Variants in IQCK observed in about 807,000 individuals in gnomAD.
IQCK encodes the protein IQ motif containing K.
Under a neutral mutation model 28.1 loss-of-function variants are expected in IQCK, and 29 were observed. That is an observed-to-expected ratio of 1.03 (90% CI 0.77 to 1.41). The LOEUF is 1.41. IQCK is among the 40% of genes most tolerant of loss of function. The probability of loss-of-function intolerance (pLI) is 0.00; values close to 1 mark genes in which losing one functional copy is unlikely to be tolerated. For synonymous variants in IQCK, 113 were observed against 115.1 expected (o/e 0.98, Z 0.12); for missense variants, 359 against 314.7 (o/e 1.14, Z -1.07).
intron 4 of IQCK, among the ~76,000 whole-genome samples, chr16:19,753,910 CTCTT>C (rs1400204138): frequency 2.0e-5 from 3 of 152,058 alleles, no homozygotes; most frequent in Non-Finnish European, 4.4e-5. Context: ...GGACAACAAA[CTCTT>C]TCAGGAAAGC....
chr16:19,763,640 A>G (rs1315770684), intron 4 of IQCK, among the ~76,000 whole-genome samples: 1 of 152,064 alleles, frequency 6.6e-6, no homozygotes, highest in Non-Finnish European at 1.5e-5. Flanking sequence ...ATGGGGTTTC[A>G]CTGTGTTGGC....
intron 9 of IQCK, among the ~76,000 whole-genome samples, chr16:19,850,235 G>A (rs62025057): frequency 0.075 from 11,444 of 152,128 alleles, 705 homozygotes; most frequent in South Asian, 0.28. Context: ...CTGGTGGGAG[G>A]CAGTTGTGAG....
chr16:19,772,531 A>G (rs1050957489), intron 6 of IQCK, among the ~76,000 whole-genome samples: 1 of 152,184 alleles, frequency 6.6e-6, no homozygotes, highest in African/African-American at 2.4e-5. Flanking sequence ...TCAGAGAAAC[A>G]TGCCAAAATA....
intron 7 of IQCK, among the ~76,000 whole-genome samples, chr16:19,812,967 G>T (rs1332157738): frequency 6.6e-6 from 1 of 152,196 alleles, no homozygotes; most frequent in Non-Finnish European, 1.5e-5. Context: ...GCAGAGTTTG[G>T]TAAAACACAG....
chr16:19,804,081 C>A (rs759909074), intron 7 of IQCK, among the ~76,000 whole-genome samples: 1 of 152,026 alleles, frequency 6.6e-6, no homozygotes, highest in African/African-American at 2.4e-5. Context: ...CCAGGTGCGG[C>A]GGCTCACGCC....
chr16:19,851,632 A>G (rs754598385), intron 9 of IQCK, among the ~76,000 whole-genome samples: 1 of 151,936 alleles, frequency 6.6e-6, no homozygotes, highest in Admixed American at 6.6e-5. Context: ...CATTGCCTTT[A>G]ATTGAAGCTG....
chr16:19,786,320 G>A (rs903064554), intron 6 of IQCK, among the ~76,000 whole-genome samples: 3 of 151,820 alleles, frequency 2.0e-5, no homozygotes, highest in Admixed American at 6.6e-5. Context: ...TTGGGAGGCC[G>A]AGGTGGGAGG....
At chr16:19,753,998 C>T (rs1170011121) in intron 4 of IQCK, among the ~76,000 whole-genome samples, 1 of 152,040 alleles carries the variant, frequency 6.6e-6, no homozygotes, top group African/African-American at 2.4e-5. Flanking sequence ...GGTCACATGC[C>T]CATTCCTGAT....
intron 9 of IQCK, among the ~76,000 whole-genome samples, chr16:19,834,273 G>A (rs1239161756): frequency 6.6e-6 from 1 of 152,126 alleles, no homozygotes; most frequent in Non-Finnish European, 1.5e-5. Context: ...CTCACACATG[G>A]TATCTCAGAG....
chr16:19,719,263 C>T (rs988192359), intron 1 of IQCK, among the ~76,000 whole-genome samples: 3 of 152,004 alleles, frequency 2.0e-5, no homozygotes, highest in Admixed American at 2.0e-4. Flanking sequence ...GAAGGAGCTA[C>T]GTAAGCGCTA....
chr16:19,833,269 G>A (rs1488220546), intron 9 of IQCK, among the ~76,000 whole-genome samples: 1 of 152,154 alleles, frequency 6.6e-6, no homozygotes, highest in East Asian at 1.9e-4. Context: ...AGGAAAACCT[G>A]CCAAAGTAAG....
exon 10 of IQCK, chr16:19,857,521 T>TA (rs1258661874): frequency 1.7e-5 from 7 of 409,272 alleles, no homozygotes; most frequent in Non-Finnish European, 2.3e-5. Context: ...ATTTAATAAA[T>TA]ATATATTATC....
chr16:19,815,113 A>T (rs1421208488), intron 7 of IQCK, among the ~76,000 whole-genome samples: 4 of 152,174 alleles, frequency 2.6e-5, no homozygotes, highest in Non-Finnish European at 2.9e-5. Flanking sequence ...TGATAAAGGA[A>T]TAATTATCAT....
chr16:19,850,222 G>C (rs183147640), intron 9 of IQCK, among the ~76,000 whole-genome samples: 124 of 152,224 alleles, frequency 8.1e-4, no homozygotes, highest in African/African-American at 2.9e-3. Context: ...CATTTTTGCT[G>C]TCCTGGTGGG....
At chr16:19,851,599 AG>A (rs928152777) in intron 9 of IQCK, among the ~76,000 whole-genome samples, 2 of 152,118 alleles carry the variant, frequency 1.3e-5, no homozygotes, top group Non-Finnish European at 2.9e-5. Flanking sequence ...GAGTCTTATT[AG>A]TATGCAAGGC....
chr16:19,736,426 CTGATTGAT>C (rs3055706), intron 4 of IQCK, among the ~76,000 whole-genome samples: 2 of 151,424 alleles, frequency 1.3e-5, no homozygotes, highest in African/African-American at 4.9e-5. Context: ...CCACGCCTGA[CTGATTGAT>C]TGATTGATTG....
At chr16:19,829,992 C>T (rs1025716063), downstream of IQCK, among the ~76,000 whole-genome samples, 3 of 151,290 alleles carry the variant, frequency 2.0e-5, no homozygotes, top group Non-Finnish European at 4.4e-5. Context: ...ACAAAGTGAG[C>T]ACCAGATAAA....
intron 4 of IQCK, chr16:19,761,035 G>A (rs1029686890): frequency 3.9e-5 from 7 of 181,676 alleles, no homozygotes; most frequent in Admixed American, 1.6e-4. Flanking sequence ...GTTTTGGTGC[G>A]CTTTGACTGG....
At position 19,728,916 on chromosome 16, in the gene IQCK, T is replaced by G. The variant is rs190083273; in HGVS notation, c.182-1514T>G. 3.9e-5 allele frequency among the ~76,000 whole-genome samples: 6 copies of G among 152,340 alleles called. No individual in the cohort carries two copies. The East Asian group carries it at 1.2e-3, about 29-fold the overall frequency. On this transcript the variant is annotated intron_variant, in intron 1 of 7. Transcript: ENST00000564186. Reference sequence around the variant, plus strand: ...TAGCTAGGTGATGAAATAAAACTTATGTCCATACGACTGTATGCCCTCAAT... The same window carrying G: ...TAGCTAGGTGATGAAATAAAACTTAGGTCCATACGACTGTATGCCCTCAAT...
Sources: gnomAD v4.1 joint callset for allele counts (sites outside exome capture counted in the v4.1 genomes callset) on GRCh38, gnomAD v4.1.1 for gene constraint, MANE v1.5 for transcripts, NCBI Gene and HGNC (gene_info 2026-07-23, HGNC 2026-07-21) for gene names.